Variants in NUP42 observed in about 807,000 individuals in gnomAD.
NUP42 encodes nucleoporin 42, also known as nucleoporin NUP42.
Under a neutral mutation model 35.9 loss-of-function variants are expected in NUP42, and 47 were observed. That is an observed-to-expected ratio of 1.31 (90% confidence interval 1.04 to 1.67). The LOEUF is 1.67. Among genes scored for constraint, NUP42 ranks in the 40% most tolerant of loss-of-function variants. NUP42 has a pLI of 0.00. For missense variants in NUP42, 514 were observed against 492.2 expected (o/e 1.04, Z -0.42); for synonymous variants, 173 against 173.3 (o/e 1.00, Z 0.01).
At chr7:23,191,168 A>G (rs1398496646) in intron 3 of NUP42, among the ~76,000 whole-genome samples, 1 of 152,232 alleles carries the variant, frequency 6.6e-6, no homozygotes, top group Non-Finnish European at 1.5e-5. Context: ...AAGTAATATG[A>G]CAGTAAGGCC....
intron 1 of NUP42, among the ~76,000 whole-genome samples, chr7:23,183,098 A>G (rs1785472208): frequency 1.3e-5 from 2 of 152,088 alleles, no homozygotes; most frequent in African/African-American, 4.8e-5. Context: ...CTGGGCCTAG[A>G]TCATTGTCAA....
chr7:23,193,689 G>T (rs750604534), intron 3 of NUP42, among the ~76,000 whole-genome samples: 5 of 152,216 alleles, frequency 3.3e-5, no homozygotes, highest in African/African-American at 4.8e-5. Context: ...CCACACCAGG[G>T]CCACAGGTGG....
chr7:23,188,563 A>G (rs1785683114), intron 3 of NUP42: 1 of 979,304 alleles, frequency 1.0e-6, no homozygotes. Flanking sequence ...GTCAGATAAA[A>G]TATGGGACAT....
chr7:23,193,972 C>T (rs1182964271), intron 3 of NUP42, among the ~76,000 whole-genome samples: 1 of 152,228 alleles, frequency 6.6e-6, no homozygotes, highest in African/African-American at 2.4e-5. Flanking sequence ...GCCGCTGGCC[C>T]GGGTGCTAAG....
chr7:23,198,740 T>G (rs1444118329), intron 5 of NUP42, among the ~76,000 whole-genome samples: 1 of 152,216 alleles, frequency 6.6e-6, no homozygotes, highest in African/African-American at 2.4e-5. Flanking sequence ...TTTAATTATA[T>G]AATAGTGGAT....
chr7:23,192,421 C>T (rs1785824933), intron 3 of NUP42, among the ~76,000 whole-genome samples: 1 of 151,726 alleles, frequency 6.6e-6, no homozygotes, highest in Non-Finnish European at 1.5e-5. Flanking sequence ...GTGGTGCATG[C>T]CTGTAATCCC....
At chr7:23,184,512 AT>A (rs1454371001) in intron 1 of NUP42, among the ~76,000 whole-genome samples, 2 of 152,096 alleles carry the variant, frequency 1.3e-5, no homozygotes, top group Non-Finnish European at 2.9e-5. Flanking sequence ...ATATATCACT[AT>A]TTTTCTATAT....
At chr7:23,192,546 C>CAAAAAAAAAAA (rs200047613) in intron 3 of NUP42, among the ~76,000 whole-genome samples, 1 of 65,314 alleles carries the variant, frequency 1.5e-5, no homozygotes, top group Non-Finnish European at 3.5e-5. Flanking sequence ...GACTTCATCT[C>CAAAAAAAAAAA]AAAAAAAAAA....
intron 6 of NUP42, among the ~76,000 whole-genome samples, chr7:23,199,890 C>A (rs1383707909): frequency 6.6e-6 from 1 of 152,116 alleles, no homozygotes; most frequent in African/African-American, 2.4e-5. Flanking sequence ...TAAGTAGAAA[C>A]CAAAGTGAAA....
At chr7:23,190,780 A>C (rs1285499798) in intron 3 of NUP42, among the ~76,000 whole-genome samples, 1 of 152,192 alleles carries the variant, frequency 6.6e-6, no homozygotes, top group Non-Finnish European at 1.5e-5. Context: ...CTAAAACTTA[A>C]AGTATAATAA....
At chr7:23,198,903 A>G (rs1204940473) in intron 5 of NUP42, among the ~76,000 whole-genome samples, 2 of 152,228 alleles carry the variant, frequency 1.3e-5, no homozygotes, top group East Asian at 3.8e-4. Context: ...AAATTTAGAA[A>G]GTATAAAAAA....
At chr7:23,189,925 A>G (rs1285643395) in intron 3 of NUP42, among the ~76,000 whole-genome samples, 1 of 151,706 alleles carries the variant, frequency 6.6e-6, no homozygotes, top group Non-Finnish European at 1.5e-5. Flanking sequence ...AAAAAAAAAA[A>G]AAAATTTTTT....
chr7:23,191,201 T>G (rs926103419), intron 3 of NUP42, among the ~76,000 whole-genome samples: 9 of 152,136 alleles, frequency 5.9e-5, no homozygotes, highest in African/African-American at 2.2e-4. Flanking sequence ...AGGGGCCAGA[T>G]CATGTTGGGC....
intron 3 of NUP42, among the ~76,000 whole-genome samples, chr7:23,193,848 T>C (rs1331771859): frequency 6.6e-6 from 1 of 152,206 alleles, no homozygotes; most frequent in African/African-American, 2.4e-5. Context: ...GGCTCAGGCA[T>C]GGCGGGCTGC....
At chr7:23,182,472 A>G (rs1455051414) in intron 1 of NUP42, 1 of 1,279,542 alleles carries the variant, frequency 7.8e-7, no homozygotes, top group East Asian at 3.1e-5. Context: ...GGAAGTACCT[A>G]TCGAAACTAC....
At position 23,200,246 on chromosome 7, in the gene NUP42, C is replaced by G; in HGVS notation, c.773C>G (p.Ser258Cys). ...FKTNSGFAAASSGSPAGFGSS... is the reference protein window; with the variant it reads ...FKTNSGFAAACSGSPAGFGSS... ...ACAAACTCTGGATTTGCTGCTGCCT[C>G]TTCTGGAAGCCCTGCTGGTTTTGGG... The change falls in exon 7 of 7, where the codon TCT becomes TGT. Residue 258 changes from serine (S) to cysteine (C), a missense_variant. Transcript: ENST00000258742. 6.2e-7 allele frequency: 1 copy of G among 1,603,528 alleles called. No individual in the cohort carries two copies. Among genetic ancestry groups the G allele is most frequent in the Non-Finnish European group, 8.5e-7 (1 of 1,173,406 alleles).
rs959876383 is a variant in NUP42, at chr7:23,193,226, A to G, written c.446-2613A>G. Among the ~76,000 whole-genome samples the G allele has an allele frequency of 3.3e-5, 5 of 152,198 alleles. No homozygotes were observed. The East Asian group carries it at 5.8e-4, about 18-fold the overall frequency. ...ACAGCAAGATTTATTGCAAACAGCAAAAGAACGAAGCTTCCACAGTGTGGA... is the reference window on the plus strand; with the variant it reads ...ACAGCAAGATTTATTGCAAACAGCAGAAGAACGAAGCTTCCACAGTGTGGA... On this transcript the variant is annotated intron_variant, in intron 3 of 6. Coordinates refer to ENST00000258742, the MANE Select transcript of NUP42 (RefSeq NM_007342.3).
intron 5 of NUP42, among the ~76,000 whole-genome samples, chr7:23,197,742 G>A (rs1309145168): frequency 3.3e-5 from 5 of 152,112 alleles, no homozygotes; most frequent in South Asian, 4.1e-4. Context: ...AGGAGTTCAT[G>A]CCTTCTTTAT....
intron 2 of NUP42, among the ~76,000 whole-genome samples, chr7:23,185,656 T>C (rs1311267232): frequency 1.3e-5 from 2 of 152,254 alleles, no homozygotes; most frequent in African/African-American, 4.8e-5. Flanking sequence ...CTTAAGTTCA[T>C]TCTAACTTAC....
Sources: allele counts gnomAD v4.1 joint callset (sites outside exome capture counted in the v4.1 genomes callset), GRCh38; gene constraint gnomAD v4.1.1; transcripts MANE v1.5; gene names NCBI Gene and HGNC (gene_info 2026-07-23, HGNC 2026-07-21).